The following BRD7 variants were observed in gnomAD, a reference collection of about 807,000 sequenced individuals.
BRD7 encodes the protein bromodomain containing 7.
Under a neutral mutation model 82.1 loss-of-function variants are expected in BRD7, and 15 were observed. The ratio of observed to expected loss-of-function variants is 0.18; its 90% confidence interval spans 0.12 to 0.28. The LOEUF is 0.28. Ranked by LOEUF, BRD7 falls within the 10% of genes least tolerant of loss-of-function variation. BRD7 has a pLI of 1.00. For synonymous variants in BRD7, 232 were observed against 266.9 expected, an observed-to-expected ratio of 0.87 and a Z score of 1.27; for missense variants, 638 against 779.9, an observed-to-expected ratio of 0.82 and a Z score of 2.17.
intron 9 of BRD7, 129 bp downstream of exon 9, chr16:50,328,539 TA>T: frequency 1.5e-6 from 1 of 677,902 alleles, no homozygotes; most frequent in Non-Finnish European, 2.4e-6. Context: ...ACATGATGTC[TA>T]GCTAGATCCT....
intron 5 of BRD7, among the ~76,000 whole-genome samples, chr16:50,342,807 C>T (rs1158679020): frequency 6.6e-6 from 1 of 152,138 alleles, no homozygotes; most frequent in Non-Finnish European, 1.5e-5. Context: ...CAGGTGAGCA[C>T]TACTGTGGTT....
chr16:50,342,905 G>A (rs1434096680), intron 5 of BRD7, among the ~76,000 whole-genome samples: 2 of 151,826 alleles, frequency 1.3e-5, no homozygotes, highest in African/African-American at 4.8e-5. Context: ...TAATATACAT[G>A]GTTCCTTTCC....
chr16:50,319,999 A>C lies in BRD7; in HGVS notation c.1788T>G (p.Leu596=). The C allele has an allele frequency of 1.9e-6, 3 of 1,611,442 alleles. No homozygotes were observed. The highest frequency in any genetic ancestry group is 1.7e-6 in the Non-Finnish European group (2 of 1,179,186). Residue 596 remains leucine, a synonymous_variant, in exon 16 of 17, where the codon CTT becomes CTG. Transcript: ENST00000394688. ...AEQVTNNLKE[L]AQQVTPGDIV... ...TATCACCTGGAGTTACTTGCTGTGC[A>C]AGTTCTTTAAGATTATTGGTCACTT...
At chr16:50,343,031 G>A (rs1381556470) in intron 5 of BRD7, among the ~76,000 whole-genome samples, 1 of 152,166 alleles carries the variant, frequency 6.6e-6, no homozygotes, top group Non-Finnish European at 1.5e-5. Context: ...TCTTAAAGCT[G>A]AAGAAAATAT....
chr16:50,329,393 C>T (rs1411259467), intron 8 of BRD7, among the ~76,000 whole-genome samples: 1 of 152,212 alleles, frequency 6.6e-6, no homozygotes, highest in African/African-American at 2.4e-5. Flanking sequence ...GACCCACCAT[C>T]TCACTGCCAC....
At chr16:50,345,161 C>A (rs1053256663) in intron 5 of BRD7, among the ~76,000 whole-genome samples, 7 of 152,148 alleles carry the variant, frequency 4.6e-5, no homozygotes, top group African/African-American at 1.4e-4. Flanking sequence ...TCATATCCAG[C>A]CAAACTAAGC....
intron 2 of BRD7, among the ~76,000 whole-genome samples, chr16:50,359,758 C>T (rs2038871376): frequency 6.6e-6 from 1 of 152,130 alleles, no homozygotes; most frequent in Non-Finnish European, 1.5e-5. Context: ...GACAGAATAA[C>T]TTTTGGGTGA....
intron 9 of BRD7, 119 bp from the exon 10 acceptor site, chr16:50,326,510 G>T: frequency 1.7e-6 from 1 of 588,338 alleles, no homozygotes; most frequent in Non-Finnish European, 2.8e-6. Context: ...GAAGGAGGCT[G>T]GGAAGCGCTT....
chr16:50,328,793 A>T, intron 8 of BRD7, 49 bp from the exon 9 acceptor site: 1 of 1,538,496 alleles, frequency 6.5e-7, no homozygotes. Context: ...TTATACAAAC[A>T]GGCTGAGTAT....
At chr16:50,365,009 G>A (rs1008307411) in intron 2 of BRD7, among the ~76,000 whole-genome samples, 3 of 152,128 alleles carry the variant, frequency 2.0e-5, no homozygotes, top group East Asian at 3.9e-4. Flanking sequence ...CTTGGGAGAC[G>A]GAAGGCAAAT....
rs1214650047 is a variant in BRD7 at position 50,347,277 on chromosome 16, A to G, written c.591+2746T>C. On this transcript the variant is annotated intron_variant, in intron 5 of 16. Coordinates refer to ENST00000394688, the MANE Select transcript of BRD7 (RefSeq NM_013263.5). ...GACATATCTCAAAATAATAAGAGCT[A>G]TTTATGACAAAACCACAGCCAATAT... 3.9e-5 allele frequency among the ~76,000 whole-genome samples: 6 copies of G among 152,232 alleles called. No homozygotes were observed. In the East Asian group the frequency reaches 1.2e-3, roughly 29 times the overall value.
chr16:50,367,217 G>A (rs2039181738), intron 2 of BRD7, among the ~76,000 whole-genome samples: 1 of 152,160 alleles, frequency 6.6e-6, no homozygotes, highest in South Asian at 2.1e-4. Flanking sequence ...GTTAATAACA[G>A]TAATAACAAT....
At chr16:50,320,610 C>A in intron 14 of BRD7, 53 bp downstream of exon 14, 5 of 1,465,414 alleles carry the variant, frequency 3.4e-6, no homozygotes, top group East Asian at 2.3e-5. Flanking sequence ...GACATGAAAT[C>A]TTGACTGCCT....
intron 5 of BRD7, among the ~76,000 whole-genome samples, chr16:50,341,154 A>G (rs2038031013): frequency 7.0e-6 from 1 of 142,032 alleles, no homozygotes; most frequent in Admixed American, 7.1e-5. Context: ...CATCTGATGA[A>G]AGCTATGGGA....
At chr16:50,343,309 G>A (rs759783683) in intron 5 of BRD7, among the ~76,000 whole-genome samples, 5 of 152,194 alleles carry the variant, frequency 3.3e-5, no homozygotes, top group Non-Finnish European at 7.3e-5. Context: ...GTCCTCACAA[G>A]ATCTGGTTGT....
intron 5 of BRD7, among the ~76,000 whole-genome samples, chr16:50,347,109 T>C (rs1597073558): frequency 1.3e-5 from 2 of 152,236 alleles, no homozygotes; most frequent in African/African-American, 4.8e-5. Flanking sequence ...GTTCAATATA[T>C]GCAAATCAAT....
chr16:50,352,955 C>T (rs2038593541), intron 4 of BRD7, among the ~76,000 whole-genome samples: 2 of 152,090 alleles, frequency 1.3e-5, no homozygotes, highest in African/African-American at 4.8e-5. Flanking sequence ...CAATGGAATA[C>T]CCAATACCTA....
intron 16 of BRD7, 83 bp downstream of exon 16, chr16:50,319,804 C>G: frequency 6.6e-7 from 1 of 1,520,804 alleles, no homozygotes; most frequent in Non-Finnish European, 8.8e-7. Flanking sequence ...ATCCGAGGTC[C>G]TGATACCAAT....
rs560149181 is a variant in BRD7 at position 50,316,090 on chromosome 16, C to T, written c.*3121G>A. 2 of 152,910 alleles carry T rather than the reference C, an allele frequency of 1.3e-5. No homozygotes were observed. Among genetic ancestry groups the T allele is most frequent in the African/African-American group, 4.8e-5 (2 of 41,586 alleles). The allele number at this position is 152,910 out of a possible 1,614,324, so 9.5% of individuals were successfully genotyped here. ...TTAACACTGTTACTTTTTGCCTTGT[C>T]TGGCATGTTTGTTTTAAATGAATAC... On this transcript the variant is annotated 3_prime_UTR_variant, in exon 17 of 17. Coordinates refer to ENST00000394688, the MANE Select transcript of BRD7 (RefSeq NM_013263.5).
Sources: gnomAD v4.1 joint callset for allele counts (sites outside exome capture counted in the v4.1 genomes callset) on GRCh38, gnomAD v4.1.1 for gene constraint, MANE v1.5 for transcripts, NCBI Gene and HGNC (gene_info 2026-07-23, HGNC 2026-07-21) for gene names.